Variants in DGKD observed in about 807,000 individuals in gnomAD.
DGKD encodes DAG kinase delta.
A neutral mutation model predicts 154.4 loss-of-function variants in DGKD; 68 were observed. The observed-to-expected ratio is 0.44, with a 90% CI of 0.36 to 0.54. The LOEUF (loss-of-function observed/expected upper bound fraction) is 0.54. Among genes scored for constraint, DGKD ranks in the 20% least tolerant of loss-of-function variants. The pLI is 0.00. For synonymous variants in DGKD, 693 were observed against 638.0 expected (o/e 1.09, Z -1.30); for missense variants, 1,343 against 1,593.6 (o/e 0.84, Z 2.68).
At chr2:233,423,679 A>G (rs930901971) in intron 3 of DGKD, among the ~76,000 whole-genome samples, 11 of 151,962 alleles carry the variant, frequency 7.2e-5, no homozygotes, top group Non-Finnish European at 1.6e-4. Flanking sequence ...TGGGGTGGGC[A>G]TGGTTTTTTC....
intron 27 of DGKD, among the ~76,000 whole-genome samples, chr2:233,464,847 C>A (rs1250650118): frequency 1.3e-5 from 2 of 152,240 alleles, no homozygotes; most frequent in South Asian, 2.1e-4. Flanking sequence ...CAAGGACAAA[C>A]CCCAGCCTGT....
At chr2:233,416,274 C>T (rs963958589) in intron 3 of DGKD, among the ~76,000 whole-genome samples, 3 of 152,104 alleles carry the variant, frequency 2.0e-5, no homozygotes, top group African/African-American at 7.2e-5. Context: ...GTGTGGTAGC[C>T]ATTCTGTGGT....
At position 233,457,124 on chromosome 2, in the gene DGKD, C is replaced by T. The variant is rs2063485461; in HGVS notation, c.2473-97C>T. The T allele has an allele frequency of 1.4e-5, 18 of 1,307,112 alleles. No homozygotes were observed. The highest frequency in any genetic ancestry group is 2.0e-5 in the Non-Finnish European group (18 of 921,478). The allele number at this position is 1,307,112 out of a possible 1,614,324, so 81.0% of individuals were successfully genotyped here. ...TTGCCTGGGGATGCCCTGGCCACGG[C>T]TGTGCTCCTGAGCCCCTGGCGGTGG... is the stretch of plus-strand genomic sequence containing the variant. On this transcript the variant is annotated intron_variant, in intron 20 of 29. Coordinates refer to ENST00000264057, the MANE Select transcript of DGKD (RefSeq NM_152879.3). The surrounding 1 kb of genome is among the most constrained non-coding windows in gnomAD (Gnocchi z 5.5).
chr2:233,437,554 C>T (rs2062741569), intron 8 of DGKD, 75 bp downstream of exon 8: 3 of 1,411,370 alleles, frequency 2.1e-6, no homozygotes, highest in Non-Finnish European at 3.0e-6. Flanking sequence ...TCTTCTCCAG[C>T]TCTGGAGTTG....
chr2:233,410,105 C>T (rs1407155669), intron 3 of DGKD, among the ~76,000 whole-genome samples: 1 of 152,132 alleles, frequency 6.6e-6, no homozygotes, highest in East Asian at 1.9e-4. Flanking sequence ...CAGGTGTGAG[C>T]CACTGTGCCT....
chr2:233,454,525 A>G, intron 18 of DGKD: 1 of 507,838 alleles, frequency 2.0e-6, no homozygotes, highest in African/African-American at 2.0e-5. Flanking sequence ...AGGGGGATGA[A>G]ATGCTCTAAA....
chr2:233,429,222 A>C, intron 3 of DGKD: 1 of 985,360 alleles, frequency 1.0e-6, no homozygotes. Flanking sequence ...TAGACTCAGG[A>C]CCTAAAACAT....
intron 3 of DGKD, among the ~76,000 whole-genome samples, chr2:233,421,799 G>C (rs890367553): frequency 6.6e-6 from 1 of 152,220 alleles, no homozygotes; most frequent in Non-Finnish European, 1.5e-5. Context: ...TCTTTAATAA[G>C]TCTTTAATTT....
intron 2 of DGKD, among the ~76,000 whole-genome samples, chr2:233,390,038 CTGTG>C: frequency 1.8e-4 from 27 of 152,338 alleles, no homozygotes; most frequent in Non-Finnish European, 3.1e-4. Flanking sequence ...AGCTAAAACA[CTGTG>C]TGAGAACATA....
At chr2:233,431,420 A>C (rs1216054289) in intron 3 of DGKD, among the ~76,000 whole-genome samples, 1 of 152,256 alleles carries the variant, frequency 6.6e-6, no homozygotes, top group Non-Finnish European at 1.5e-5. Context: ...CTACAGATTC[A>C]ATGCAATTCC....
chr2:233,438,972 C>T lies in DGKD; in HGVS notation c.1085+593C>T, dbSNP rs1461836166. 2.0e-5 allele frequency among the ~76,000 whole-genome samples: 3 copies of T among 152,220 alleles called. No individual in the cohort carries two copies. The highest frequency in any genetic ancestry group is 1.9e-4 in the East Asian group (1 of 5,202). ...GCAAGGCAGGAACACGTAAGGGCGG[C>T]GTTGGGCCAGAGCGATTTCCACTGT... On this transcript the variant is annotated intron_variant, in intron 9 of 29. Coordinates refer to ENST00000264057, the MANE Select transcript of DGKD (RefSeq NM_152879.3). The surrounding 1 kb of genome is among the most constrained non-coding windows in gnomAD (Gnocchi z 4.1).
intron 29 of DGKD, among the ~76,000 whole-genome samples, chr2:233,469,120 G>A (rs1010867679): frequency 3.9e-4 from 59 of 152,224 alleles, no homozygotes; most frequent in African/African-American, 1.1e-3. Flanking sequence ...CTTGCTTTTA[G>A]GCCTGTGTTT....
intron 1 of DGKD, among the ~76,000 whole-genome samples, chr2:233,360,581 G>A (rs962681637): frequency 6.6e-6 from 1 of 151,698 alleles, no homozygotes; most frequent in Admixed American, 6.6e-5. Flanking sequence ...TTGAGATAGG[G>A]TCTTGCTATA....
At chr2:233,428,797 A>G (rs1462983999) in intron 3 of DGKD, among the ~76,000 whole-genome samples, 2 of 152,176 alleles carry the variant, frequency 1.3e-5, no homozygotes, top group African/African-American at 2.4e-5. Context: ...CAAATTTATC[A>G]GTGGCCAGGT....
At chr2:233,442,183 T>C (rs2062919167) in intron 10 of DGKD, 188 bp downstream of exon 10, 3 of 697,826 alleles carry the variant, frequency 4.3e-6, no homozygotes, top group Non-Finnish European at 7.8e-6. Flanking sequence ...CCCCTGGCAT[T>C]GTGGAGGCCC....
chr2:233,386,247 G>T, intron 1 of DGKD: 1 of 317,930 alleles, frequency 3.1e-6, no homozygotes, highest in East Asian at 8.3e-5. Context: ...CAGGAGAGAC[G>T]TCTTCACAGT....
At position 233,449,364 on chromosome 2, in the gene DGKD, C is replaced by T. The variant is rs374620840; in HGVS notation, c.1876C>T (p.His626Tyr). ...GAAAGCAATTCGTCAGATCATAGAACACACAGAAAAAGGTAACTGGCCTTG... is the reference window on the plus strand; with the variant it reads ...GAAAGCAATTCGTCAGATCATAGAATACACAGAAAAAGGTAACTGGCCTTG... ...LKKAIRQIIEHTEKAVDEQNA... is the reference protein window; with the variant it reads ...LKKAIRQIIEYTEKAVDEQNA... Residue 626 changes from histidine to tyrosine, a missense_variant, in exon 15 of 30, where the codon CAC (histidine) becomes TAC (tyrosine). This residue lies in a region of DGKD where 409 missense variants were observed against 446.0 expected (regional missense o/e 0.92). Coordinates refer to ENST00000264057, the MANE Select transcript of DGKD (RefSeq NM_152879.3). The surrounding 1 kb of genome is among the most constrained non-coding windows in gnomAD (Gnocchi z 5.3). 5.0e-6 allele frequency: 8 copies of T among 1,596,272 alleles called. No individual in the cohort carries two copies. The highest frequency in any genetic ancestry group is 6.9e-6 in the Non-Finnish European group (8 of 1,165,392).
chr2:233,463,567 T>A (rs1575176372), intron 26 of DGKD, among the ~76,000 whole-genome samples: 2 of 139,442 alleles, frequency 1.4e-5, no homozygotes, highest in African/African-American at 5.6e-5. Context: ...TCCACGCATC[T>A]CCTCACTCCA....
At chr2:233,426,651 AC>A (rs1487798799) in intron 3 of DGKD, among the ~76,000 whole-genome samples, 19 of 152,188 alleles carry the variant, frequency 1.2e-4, no homozygotes, top group Admixed American at 7.9e-4. Context: ...GTATGAGTAT[AC>A]TACAGTGTAT....
Sources: allele counts gnomAD v4.1 joint callset (sites outside exome capture counted in the v4.1 genomes callset), GRCh38; gene constraint gnomAD v4.1.1; regional missense constraint gnomAD v4.1.1; non-coding constraint Gnocchi (gnomAD v3.1); transcripts MANE v1.5; gene names NCBI Gene and HGNC (gene_info 2026-07-23, HGNC 2026-07-21).